DMD: variants seen among roughly 807,000 people sequenced by gnomAD.
DMD encodes mutant dystrophin.
Under a neutral mutation model 330.1 loss-of-function variants are expected in DMD, and 63 were observed. The ratio of observed to expected loss-of-function variants is 0.19; its 90% confidence interval spans 0.16 to 0.24. DMD has a LOEUF of 0.24. Among genes scored for constraint, DMD ranks in the 10% least tolerant of loss-of-function variants. DMD has a pLI of 1.00. For missense variants in DMD, 3,344 were observed against 2,684.1 expected (o/e 1.25, Z -5.43); for synonymous variants, 1,223 against 959.8 (o/e 1.27, Z -5.07).
chrX:31,190,392 G>A (rs2042198822), intron 67 of DMD, among the ~76,000 whole-genome samples: 1 of 109,247 alleles, frequency 9.2e-6, no homozygotes, highest in African/African-American at 3.3e-5. Flanking sequence ...AGCATATTAC[G>A]TGCACTGCTG....
intron 7 of DMD, among the ~76,000 whole-genome samples, chrX:32,742,121 T>C (rs947460417): frequency 8.9e-6 from 1 of 111,792 alleles, no homozygotes; most frequent in African/African-American, 3.2e-5. Context: ...GCCACTATGA[T>C]GACCTGGTTA....
intron 16 of DMD, among the ~76,000 whole-genome samples, chrX:32,560,712 A>G (rs1431732008): frequency 9.0e-6 from 1 of 111,695 alleles, no homozygotes; most frequent in African/African-American, 3.3e-5. Context: ...TTCCCGCATT[A>G]GTTTGCTGAG....
At position 31,767,436 on chromosome X, in the gene DMD, T is replaced by C. The variant is rs139730165; in HGVS notation, c.7542+6524A>G. Among the ~76,000 whole-genome samples the C allele has an allele frequency of 9.5e-4, 106 of 111,442 alleles. 1 individual carries two copies. In the Middle Eastern group the frequency reaches 0.014, roughly 15 times the overall value. On this transcript the variant is annotated intron_variant, in intron 51 of 78. Transcript: ENST00000357033. ...AAGTTGAGGGGGGTGGCTGAGGAAA[T>C]AGAAAAGAAGTAAGAAACATTATCT...
chrX:32,334,420 GA>G (rs1478074445), intron 41 of DMD, among the ~76,000 whole-genome samples: 1 of 111,835 alleles, frequency 8.9e-6, no homozygotes, highest in African/African-American at 3.2e-5. Flanking sequence ...AGGCAAAGAA[GA>G]AAATCTATGT....
intron 2 of DMD, among the ~76,000 whole-genome samples, chrX:32,902,033 A>C (rs2086292025): frequency 9.1e-6 from 1 of 110,031 alleles, no homozygotes; most frequent in African/African-American, 3.4e-5. Flanking sequence ...TAATTTTTGT[A>C]AGAATATATT....
At chrX:31,697,574 A>G (rs180772250) in intron 52 of DMD, among the ~76,000 whole-genome samples, 3 of 112,338 alleles carry the variant, frequency 2.7e-5, no homozygotes, top group African/African-American at 9.7e-5. Context: ...TTGCAGAGAA[A>G]GAAACAGTTC....
intron 1 of DMD, among the ~76,000 whole-genome samples, chrX:33,192,232 A>AT: frequency 8.9e-6 from 1 of 112,153 alleles, no homozygotes; most frequent in East Asian, 2.8e-4. Context: ...TCTTCAAAGC[A>AT]TAACAGTCAT....
At position 33,249,245 on chromosome X, in the gene DMD, G is replaced by A. The variant is rs1030230908; in HGVS notation, c.7+90014C>T. Among the ~76,000 whole-genome samples the A allele has an allele frequency of 5.4e-5, 6 of 112,056 alleles. No individual in the cohort carries two copies. In the Admixed American group the frequency reaches 5.7e-4, roughly 11 times the overall value. On this transcript the variant is annotated intron_variant, in intron 1 of 17. Transcript: ENST00000288447. ...GGCTCATTGCGACCTCCACCTCCTGGGTTCAAGCCATTCTCCTGCCTCAGC... is the reference window on the plus strand; with the variant it reads ...GGCTCATTGCGACCTCCACCTCCTGAGTTCAAGCCATTCTCCTGCCTCAGC...
chrX:32,699,073 A>G (rs766931337), intron 8 of DMD, 39 bp downstream of exon 8: 1 of 1,159,359 alleles, frequency 8.6e-7, no homozygotes, highest in South Asian at 1.8e-5. Context: ...TATAAAACAG[A>G]AAACATCTTG....
intron 2 of DMD, among the ~76,000 whole-genome samples, chrX:32,888,644 C>G (rs192191747): frequency 1.8e-5 from 2 of 111,783 alleles, no homozygotes; most frequent in Non-Finnish European, 3.8e-5. Context: ...TACAATCCAG[C>G]AATCTCACTA....
chrX:33,338,460 AAAATAAATAAATAAAT>A (rs76681558), intron 1 of DMD, among the ~76,000 whole-genome samples: 8 of 102,233 alleles, frequency 7.8e-5, no homozygotes, highest in Admixed American at 7.5e-4. Flanking sequence ...ATTAAAGGGC[AAAATAAATAAATAAAT>A]AAATAAATAA....
intron 67 of DMD, among the ~76,000 whole-genome samples, chrX:31,186,714 T>G: frequency 8.9e-6 from 1 of 112,273 alleles, no homozygotes. Context: ...ACAGAGGTAC[T>G]TTGTGGAAAA....
At chrX:32,561,894 G>A (rs200754436) in intron 16 of DMD, among the ~76,000 whole-genome samples, 3 of 111,733 alleles carry the variant, frequency 2.7e-5, no homozygotes, top group South Asian at 3.8e-4. Flanking sequence ...ATTCAACACC[G>A]TGAAAGAAAA....
At chrX:32,329,049 C>A (rs1270599299) in intron 41 of DMD, among the ~76,000 whole-genome samples, 1 of 111,356 alleles carries the variant, frequency 9.0e-6, no homozygotes, top group Non-Finnish European at 1.9e-5. Flanking sequence ...TCATTCATTC[C>A]ACATATTTTC....
At chrX:32,194,811 T>C (rs1225887941) in intron 44 of DMD, among the ~76,000 whole-genome samples, 1 of 111,840 alleles carries the variant, frequency 8.9e-6, no homozygotes, top group Admixed American at 9.6e-5. Flanking sequence ...GATAGAAATA[T>C]AATATATTCA....
At chrX:32,452,572 A>G (rs2098339057) in intron 26 of DMD, among the ~76,000 whole-genome samples, 2 of 109,753 alleles carry the variant, frequency 1.8e-5, no homozygotes, top group African/African-American at 6.6e-5. Context: ...GGGCTCTACC[A>G]CAAATAAAGT....
chrX:33,128,467 C>T, intron 1 of DMD: 4 of 917,077 alleles, frequency 4.4e-6, no homozygotes, highest in Admixed American at 5.4e-5. Flanking sequence ...GGTTTCTTCC[C>T]TCACCGGCTC....
At chrX:31,362,275 C>A (rs975714939) in intron 60 of DMD, among the ~76,000 whole-genome samples, 1 of 111,850 alleles carries the variant, frequency 8.9e-6, no homozygotes, top group African/African-American at 3.2e-5. Flanking sequence ...CCAAAGTAAT[C>A]GGAAATGCTC....
chrX:31,857,120 T>C (rs1194307738), intron 48 of DMD, among the ~76,000 whole-genome samples: 1 of 111,006 alleles, frequency 9.0e-6, no homozygotes, highest in Admixed American at 9.6e-5. Context: ...GGCTCACGCC[T>C]GTAATCCCAG....
Sources: allele counts gnomAD v4.1 joint callset (sites outside exome capture counted in the v4.1 genomes callset), GRCh38; gene constraint gnomAD v4.1.1; transcripts MANE v1.5; gene names NCBI Gene and HGNC (gene_info 2026-07-23, HGNC 2026-07-21).